Variants in PTGER3 observed in about 807,000 individuals in gnomAD.
PTGER3 encodes prostaglandin E2 receptor EP3 subtype.
PTGER3 carries 22 observed loss-of-function variants against 34.7 expected under a neutral mutation model. The ratio of observed to expected loss-of-function variants is 0.63; its 90% CI spans 0.45 to 0.91. The LOEUF is 0.91. Ranked by LOEUF, PTGER3 falls within the 40% of genes least tolerant of loss-of-function variation. PTGER3 has a pLI of 0.00. For synonymous variants in PTGER3, 241 were observed against 230.1 expected, an observed-to-expected ratio of 1.05 and a Z score of -0.43; for missense variants, 468 against 519.4, an observed-to-expected ratio of 0.90 and a Z score of 0.96.
intron 2 of PTGER3, chr1:71,006,724 A>T (rs537393866): frequency 8.1e-6 from 8 of 985,292 alleles, no homozygotes; most frequent in Non-Finnish European, 9.6e-6. Context: ...TTTTCCAGAT[A>T]GCATGGGGCT....
At chr1:70,991,280 C>T (rs1655454666) in intron 2 of PTGER3, among the ~76,000 whole-genome samples, 1 of 152,156 alleles carries the variant, frequency 6.6e-6, no homozygotes, top group African/African-American at 2.4e-5. Context: ...TTTGGTTTTA[C>T]TGCTCCTTTC....
chr1:70,908,922 G>A (rs947839423), intron 4 of PTGER3, among the ~76,000 whole-genome samples: 1 of 152,158 alleles, frequency 6.6e-6, no homozygotes, highest in African/African-American at 2.4e-5. Context: ...AGAAAAGTGA[G>A]GCATACAGAG....
intron 4 of PTGER3, among the ~76,000 whole-genome samples, chr1:70,870,682 A>G (rs1395448006): frequency 2.6e-5 from 4 of 152,216 alleles, no homozygotes; most frequent in Non-Finnish European, 5.9e-5. Flanking sequence ...TTCAATCTAG[A>G]TACCTTAGGT....
intron 2 of PTGER3, among the ~76,000 whole-genome samples, chr1:71,003,945 C>CT (rs914150297): frequency 1.4e-4 from 21 of 152,302 alleles, no homozygotes; most frequent in African/African-American, 4.8e-4. Context: ...TCCTCTGCAC[C>CT]TTTTGTGGGA....
Position 71,047,203 on chromosome 1 carries a change from C to G in PTGER3, c.375G>C (p.Pro125=). 6.3e-7 allele frequency: 1 copy of G among 1,598,304 alleles called. No individual in the cohort carries two copies. Among genetic ancestry groups the G allele is most frequent in the South Asian group, 1.1e-5 (1 of 89,132 alleles). Residue 125 remains proline, a synonymous_variant, in exon 1 of 4, where the codon CCG becomes CCC. Transcript: ENST00000306666. ...LSKQRWEHID[P]SGRLCTFFGL... ...CGAAAAAGGTGCAGAGCCGCCCCGA[C>G]GGGTCGATGTGCTCCCAACGCTGCT...
At chr1:70,945,843 A>G (rs1650178672) in intron 4 of PTGER3, among the ~76,000 whole-genome samples, 1 of 152,140 alleles carries the variant, frequency 6.6e-6, no homozygotes, top group Non-Finnish European at 1.5e-5. Context: ...TTCATACTCT[A>G]ACCTAAAATT....
At chr1:71,016,377 CAG>C (rs1203194300) in intron 1 of PTGER3, among the ~76,000 whole-genome samples, 1 of 152,020 alleles carries the variant, frequency 6.6e-6, no homozygotes, top group Admixed American at 6.6e-5. Context: ...AGTGAAAAAA[CAG>C]AATATAAGAT....
rs1192871147 is a variant in PTGER3, at chr1:70,895,872, G to T, written c.*24-43013C>A. On this transcript the variant is annotated intron_variant, in intron 4 of 4. Coordinates refer to the PTGER3 transcript ENST00000370931. ...AAGCAGTGGACAAACAGTTGTACTA[G>T]ACCAGGAGAACCAAATAAAACTTTT... Among the ~76,000 whole-genome samples, 5 of 152,194 alleles carry T rather than the reference G, an allele frequency of 3.3e-5. No individual in the cohort carries two copies. In the East Asian group the frequency reaches 9.6e-4, roughly 29 times the overall value.
intron 2 of PTGER3, among the ~76,000 whole-genome samples, chr1:71,004,965 G>A (rs758214243): frequency 1.3e-5 from 2 of 152,176 alleles, no homozygotes; most frequent in Non-Finnish European, 2.9e-5. Context: ...TCAAACCCTT[G>A]GGTACATAGC....
At chr1:71,028,013 C>T (rs1442390979) in intron 1 of PTGER3, among the ~76,000 whole-genome samples, 1 of 152,106 alleles carries the variant, frequency 6.6e-6, no homozygotes, top group East Asian at 1.9e-4. Context: ...GGGTTTTCCA[C>T]CTTTATTCTG....
rs112981971 is a variant in PTGER3, at chr1:71,020,697, AGTGT to A, written c.898-8217_898-8214del. On this transcript the variant is annotated intron_variant, in intron 1 of 3. Coordinates refer to ENST00000306666, the MANE Select transcript of PTGER3 (RefSeq NM_198719.2). ...ATGAAGCTTTGGTGTATGTTAGCAGAGTGTGTGTGTGTGTGTGTGTGTGTGTGTG... is the reference window on the plus strand; with the variant it reads ...ATGAAGCTTTGGTGTATGTTAGCAGAGTGTGTGTGTGTGTGTGTGTGTGTG... Among the ~76,000 whole-genome samples, 369 of 144,752 alleles carry A rather than the reference AGTGT, an allele frequency of 2.5e-3. 2 individuals carry two copies. The highest frequency in any genetic ancestry group is 0.01 in the Middle Eastern group (3 of 288). 95.0% of individuals were successfully genotyped at this position (144,752 alleles called of 152,430 possible). A position where few individuals can be genotyped will look rare whatever the true frequency, so the allele number is the denominator to read the frequency against.
At chr1:70,890,934 C>T (rs1646603507) in intron 4 of PTGER3, among the ~76,000 whole-genome samples, 1 of 152,102 alleles carries the variant, frequency 6.6e-6, no homozygotes, top group African/African-American at 2.4e-5. Context: ...CCTTAAGTAC[C>T]TTAAACATAA....
chr1:70,971,648 T>C lies in PTGER3; in HGVS notation c.*82A>G, dbSNP rs965324674. ...AAGAAATAATCCAAATTAAAATATA[T>C]AATTATCCTTCTCAGGTGGGAAGAA... On this transcript the variant is annotated 3_prime_UTR_variant, in exon 4 of 4. Transcript: ENST00000306666. The C allele has an allele frequency of 2.7e-6, 4 of 1,478,244 alleles. No individual in the cohort carries two copies. The highest frequency in any genetic ancestry group is 4.9e-5 in the Admixed American group (2 of 40,790). 91.6% of individuals were successfully genotyped at this position (1,478,244 alleles called of 1,614,324 possible). A position where few individuals can be genotyped will look rare whatever the true frequency, so the allele number is the denominator to read the frequency against.
chr1:70,855,781 C>T lies in PTGER3; in HGVS notation c.*24-2922G>A, dbSNP rs186568285. The stretch of plus-strand genomic sequence containing the variant: ...CAGTAGCCAACTGGCAACATAGAAC[C>T]TTAAGTTTACCCAGTTTGAATCTAT... On this transcript the variant is annotated intron_variant, in intron 4 of 4. Coordinates refer to the PTGER3 transcript ENST00000370931. Among the ~76,000 whole-genome samples the T allele has an allele frequency of 9.2e-5, 14 of 152,118 alleles. No homozygotes were observed. In the East Asian group the frequency reaches 2.7e-3, roughly 29 times the overall value.
Position 70,993,958 on chromosome 1 carries a change from G to A in PTGER3, c.1077+18347C>T, listed in dbSNP as rs184850776. ...TTCAAAGGCTCTTCGTTCTTGGAAG[G>A]AAAGTGTTTTTTCACTCTTTATCAG... is the stretch of plus-strand genomic sequence containing the variant. On this transcript the variant is annotated intron_variant, in intron 2 of 3. Transcript: ENST00000306666. Among the ~76,000 whole-genome samples, 1,125 of 152,282 alleles carry A rather than the reference G, an allele frequency of 7.4e-3. 14 individuals are homozygous for A. Among genetic ancestry groups the A allele is most frequent in the Non-Finnish European group, 8.9e-3 (604 of 68,020 alleles).
At chr1:70,859,658 G>A (rs1002071376) in intron 4 of PTGER3, among the ~76,000 whole-genome samples, 3 of 152,196 alleles carry the variant, frequency 2.0e-5, no homozygotes, top group Non-Finnish European at 4.4e-5. Flanking sequence ...GAACGTATCT[G>A]TGTTATTAAG....
chr1:70,949,972 G>A (rs1308287966), downstream of PTGER3, among the ~76,000 whole-genome samples: 1 of 122,044 alleles, frequency 8.2e-6, no homozygotes, highest in Non-Finnish European at 1.8e-5. Flanking sequence ...TTCAGTTAAT[G>A]TGGGACATAA....
At chr1:70,877,337 A>G (rs973749173) in intron 4 of PTGER3, among the ~76,000 whole-genome samples, 4 of 152,048 alleles carry the variant, frequency 2.6e-5, no homozygotes, top group Non-Finnish European at 4.4e-5. Context: ...TTTTTATCAG[A>G]TCTAAGAGCT....
chr1:70,852,984 C>G, intron 4 of PTGER3: 1 of 1,100,766 alleles, frequency 9.1e-7, no homozygotes, highest in Non-Finnish European at 1.4e-6. Context: ...AAATCACTTA[C>G]AGCAGTATAA....
Sources: allele counts gnomAD v4.1 joint callset (sites outside exome capture counted in the v4.1 genomes callset), GRCh38; gene constraint gnomAD v4.1.1; transcripts MANE v1.5; gene names NCBI Gene and HGNC (gene_info 2026-07-23, HGNC 2026-07-21).